The following MTHFD1 variants were observed in gnomAD, a reference collection of about 807,000 sequenced individuals.
The protein encoded by MTHFD1 is C-1-tetrahydrofolate synthase, cytoplasmic.
MTHFD1 carries 44 observed loss-of-function variants against 110.3 expected under a neutral mutation model. The ratio of observed to expected loss-of-function variants is 0.40; its 90% confidence interval spans 0.31 to 0.51. The LOEUF is 0.51. MTHFD1 is among the 20% of genes least tolerant of loss of function. MTHFD1 has a pLI of 0.60. For missense variants in MTHFD1, 909 were observed against 1,173.1 expected (o/e 0.77, Z 3.29); for synonymous variants, 402 against 428.8 (o/e 0.94, Z 0.77).
At chr14:64,441,669 G>A (rs904370099) in intron 19 of MTHFD1, 146 of 568,952 alleles carry the variant, frequency 2.6e-4, no homozygotes, top group Non-Finnish European at 4.2e-4. Flanking sequence ...AGCCGGGCAT[G>A]GTGGCGGGCG....
Position 64,435,618 on chromosome 14 carries a change from T to G in MTHFD1, c.1544T>G (p.Ile515Arg), listed in dbSNP as rs763827490. 31 of 1,612,792 alleles carry G rather than the reference T, an allele frequency of 1.9e-5. No individual in the cohort carries two copies. Among genetic ancestry groups the G allele is most frequent in the Non-Finnish European group, 2.6e-5 (31 of 1,178,930 alleles). ...CCTACCACACTGACAGATGAAGAGA[T>G]AAACAGATTTGCAAGATTGGACATT... ...TDPTTLTDEEINRFARLDIDP... is the reference protein window; with the variant it reads ...TDPTTLTDEERNRFARLDIDP... The change falls in exon 16 of 28, where the codon ATA becomes AGA. Residue 515 changes from isoleucine (I) to arginine (R), a missense_variant. Coordinates refer to ENST00000652337, the MANE Select transcript of MTHFD1 (RefSeq NM_005956.4).
At chr14:64,405,566 T>C (rs553945098) in intron 2 of MTHFD1, among the ~76,000 whole-genome samples, 1 of 152,290 alleles carries the variant, frequency 6.6e-6, no homozygotes, top group South Asian at 2.1e-4. Context: ...CCTGAGGCCG[T>C]CTCCTTAGGA....
At position 64,419,793 on chromosome 14, in the gene MTHFD1, GT is replaced by G. The variant is rs2078054570; in HGVS notation, c.616-20del. 6.6e-7 allele frequency: 1 copy of G among 1,518,724 alleles called. No individual in the cohort carries two copies. The highest frequency in any genetic ancestry group is 1.4e-5 in the African/African-American group (1 of 72,970). 94.1% of individuals were successfully genotyped at this position (1,518,724 alleles called of 1,614,324 possible). A position where few individuals can be genotyped will look rare whatever the true frequency, so the allele number is the denominator to read the frequency against. ...TGTATTTCATTATTTCATTTCTGAT[GT>G]CCAAATCCCCTACCCCTAGGTAAAT... is the stretch of plus-strand genomic sequence containing the variant. On this transcript the variant is annotated intron_variant, in intron 7 of 27. Transcript: ENST00000652337.
At chr14:64,444,805 C>G in intron 22 of MTHFD1, 71 bp downstream of exon 22, 1 of 1,540,754 alleles carries the variant, frequency 6.5e-7, no homozygotes, top group Non-Finnish European at 9.0e-7. Context: ...CTCCACCTGG[C>G]CCATGTGGAA....
At chr14:64,403,219 T>A (rs893498196) in intron 2 of MTHFD1, among the ~76,000 whole-genome samples, 6 of 151,936 alleles carry the variant, frequency 3.9e-5, no homozygotes, top group Non-Finnish European at 8.8e-5. Flanking sequence ...ATTCATGCAA[T>A]TCTCCTGCCT....
chr14:64,436,731 TG>T (rs2140971908), intron 16 of MTHFD1, among the ~76,000 whole-genome samples: 2 of 152,346 alleles, frequency 1.3e-5, no homozygotes, highest in South Asian at 4.1e-4. Context: ...AAAACCACAT[TG>T]GAATTTCTCT....
intron 8 of MTHFD1, among the ~76,000 whole-genome samples, chr14:64,422,447 C>T (rs1293350150): frequency 6.6e-6 from 1 of 152,120 alleles, no homozygotes; most frequent in East Asian, 1.9e-4. Flanking sequence ...ATACCTTTTA[C>T]AAAGAAGTAA....
chr14:64,431,655 C>T lies in MTHFD1; in HGVS notation c.1419+16C>T. The T allele has an allele frequency of 6.2e-7, 1 of 1,609,854 alleles. No homozygotes were observed. ...GACAGACAAGGTAGGATGCCAAAGC[C>T]CCATGAACCCCATTGAACAGTTTTG... On this transcript the variant is annotated intron_variant, in intron 14 of 27. Transcript: ENST00000652337.
chr14:64,422,657 C>A (rs2078083755), intron 8 of MTHFD1, among the ~76,000 whole-genome samples: 1 of 152,154 alleles, frequency 6.6e-6, no homozygotes, highest in Non-Finnish European at 1.5e-5. Flanking sequence ...TGCTTCTGGA[C>A]TGGCCTCTAT....
At chr14:64,448,424 T>G in intron 23 of MTHFD1, 107 bp downstream of exon 23, 1 of 904,240 alleles carries the variant, frequency 1.1e-6, no homozygotes. Context: ...TGCTATTGGT[T>G]ATAGCCTGTG....
At chr14:64,398,045 C>A (rs908740388) in intron 1 of MTHFD1, among the ~76,000 whole-genome samples, 3 of 152,026 alleles carry the variant, frequency 2.0e-5, no homozygotes, top group Non-Finnish European at 4.4e-5. Flanking sequence ...AGCACCACAT[C>A]TGGTTGTCAT....
intron 2 of MTHFD1, among the ~76,000 whole-genome samples, chr14:64,407,546 C>CT (rs1215785833): frequency 6.5e-4 from 34 of 52,018 alleles, no homozygotes; most frequent in East Asian, 3.9e-3. Flanking sequence ...CACTCTCTCT[C>CT]TTTTTTTTTT....
chr14:64,417,806 C>T lies in MTHFD1; in HGVS notation c.479-82C>T. Reference sequence around the variant, plus strand: ...GATGTTAAGAACCTGTTTTTGTGCACTTATTCTAATTTCTCCACGTGGCAT... The same window carrying T: ...GATGTTAAGAACCTGTTTTTGTGCATTTATTCTAATTTCTCCACGTGGCAT... On this transcript the variant is annotated intron_variant, in intron 6 of 27. Transcript: ENST00000652337. The surrounding 1 kb of genome is among the most constrained non-coding windows in gnomAD (Gnocchi z 4.4). 1 of 1,569,098 alleles carries T rather than the reference C, an allele frequency of 6.4e-7. No individual in the cohort carries two copies. Among genetic ancestry groups the T allele is most frequent in the Non-Finnish European group, 8.7e-7 (1 of 1,143,036 alleles).
intron 13 of MTHFD1, 121 bp downstream of exon 13, chr14:64,430,351 T>G (rs2078148469): frequency 1.1e-6 from 1 of 933,122 alleles, no homozygotes; most frequent in Non-Finnish European, 1.7e-6. Flanking sequence ...AGAGCTGGAG[T>G]GCAATGGCGC....
At chr14:64,446,778 G>A (rs2078292333) in intron 22 of MTHFD1, among the ~76,000 whole-genome samples, 2 of 152,202 alleles carry the variant, frequency 1.3e-5, no homozygotes, top group Non-Finnish European at 2.9e-5. Context: ...TCCTGACCTC[G>A]TGTTCCACCC....
At chr14:64,397,089 A>T in intron 1 of MTHFD1, among the ~76,000 whole-genome samples, 1 of 90,922 alleles carries the variant, frequency 1.1e-5, no homozygotes, top group Non-Finnish European at 2.0e-5. Flanking sequence ...TGGGAGACGG[A>T]GGGAGACTGC....
chr14:64,415,651 C>G lies in MTHFD1; in HGVS notation c.390C>G (p.Ile130Met), dbSNP rs1474060489. 6.2e-7 allele frequency: 1 copy of G among 1,612,264 alleles called. No homozygotes were observed. Among genetic ancestry groups the G allele is most frequent in the Non-Finnish European group, 8.5e-7 (1 of 1,178,294 alleles). Residue 130 changes from isoleucine (I) to methionine (M), a missense_variant, in exon 6 of 28, where the codon ATC becomes ATG. Physicochemically the swap from Ile to Met is conservative, Grantham distance 10 (BLOSUM62 1). Around this residue, in one of 3 missense-constraint regions of MTHFD1, gnomAD observed 424 missense variants for 510.4 expected, o/e 0.83. Transcript: ENST00000652337. Reference sequence around the variant, plus strand: ...TCACTTTTTTAAGATTGACTAGCATCAATGCTGGGAAACTTGCTAGAGGTG... The same window carrying G: ...TCACTTTTTTAAGATTGACTAGCATGAATGCTGGGAAACTTGCTAGAGGTG... ...PEKDVDGLTSINAGKLARGDL... is the reference protein window; with the variant it reads ...PEKDVDGLTSMNAGKLARGDL...
chr14:64,426,250 G>A (rs942950812), intron 11 of MTHFD1, 58 bp downstream of exon 11: 55 of 1,596,954 alleles, frequency 3.4e-5, no homozygotes, highest in East Asian at 4.5e-5. Flanking sequence ...ATACTAAGGC[G>A]TTGCATTTGC....
intron 26 of MTHFD1, among the ~76,000 whole-genome samples, chr14:64,455,364 C>T (rs79409906): frequency 0.025 from 3,758 of 152,152 alleles, 52 homozygotes; most frequent in Middle Eastern, 0.054. Flanking sequence ...CAAATGGACC[C>T]TTGAGATATG....
Sources: allele counts gnomAD v4.1 joint callset (sites outside exome capture counted in the v4.1 genomes callset), GRCh38; gene constraint gnomAD v4.1.1; regional missense constraint gnomAD v4.1.1; non-coding constraint Gnocchi (gnomAD v3.1); transcripts MANE v1.5; gene names NCBI Gene and HGNC (gene_info 2026-07-23, HGNC 2026-07-21).